Variants in NGDN observed in about 807,000 individuals in gnomAD.
The protein encoded by NGDN is neuroguidin, also known as EIF4E-binding protein.
Under a neutral mutation model 45.2 loss-of-function variants are expected in NGDN, and 41 were observed. That is an observed-to-expected ratio of 0.91 (90% CI 0.71 to 1.18). The LOEUF is 1.18. Among genes scored for constraint, NGDN ranks in the 50% most tolerant of loss-of-function variants. The pLI is 0.00. For missense variants in NGDN, 402 were observed against 399.9 expected, an observed-to-expected ratio of 1.01 and a Z score of -0.05; for synonymous variants, 137 against 130.9, an observed-to-expected ratio of 1.05 and a Z score of -0.32.
Position 23,478,003 on chromosome 14 carries a change from T to G in NGDN, c.929-4T>G, listed in dbSNP as rs1893943925. On this transcript the variant is annotated splice_polypyrimidine_tract_variant and splice_region_variant and intron_variant, in intron 10 of 10. Coordinates refer to ENST00000408901, the MANE Select transcript of NGDN (RefSeq NM_001042635.2). ...GCCTCATTCTTGGTTTCCCTTCCTTTCAGGTTTTCGGAGGCGGCGGTGATT... is the reference window on the plus strand; with the variant it reads ...GCCTCATTCTTGGTTTCCCTTCCTTGCAGGTTTTCGGAGGCGGCGGTGATT... The G allele has an allele frequency of 6.2e-6, 10 of 1,614,082 alleles. No homozygotes were observed. The highest frequency in any genetic ancestry group is 8.5e-6 in the Non-Finnish European group (10 of 1,180,042).
intron 3 of NGDN, among the ~76,000 whole-genome samples, chr14:23,472,670 T>C (rs1271406401): frequency 6.6e-6 from 1 of 152,150 alleles, no homozygotes; most frequent in Non-Finnish European, 1.5e-5. Context: ...TGAGCTTTTG[T>C]CCTAAGATAT....
chr14:23,472,147 C>CGCACTGCA (rs1893792946), intron 3 of NGDN, among the ~76,000 whole-genome samples: 1 of 144,252 alleles, frequency 6.9e-6, no homozygotes, highest in Non-Finnish European at 1.5e-5. Flanking sequence ...GTCGCACCAT[C>CGCACTGCA]GCACTGCAGC....
rs1208604881 is a variant in NGDN at position 23,469,744 on chromosome 14, T to C, written c.12+17T>C. 3.1e-6 allele frequency: 5 copies of C among 1,614,144 alleles called. No individual in the cohort carries two copies. Among genetic ancestry groups the C allele is most frequent in the Non-Finnish European group, 4.2e-6 (5 of 1,180,014 alleles). ...GCGGCGCTGGTGAGTTTGGTGTGGTTTCTTCCTCGCGTAGCTATTGTGGAG... is the reference window on the plus strand; with the variant it reads ...GCGGCGCTGGTGAGTTTGGTGTGGTCTCTTCCTCGCGTAGCTATTGTGGAG... On this transcript the variant is annotated intron_variant, in intron 1 of 10. Coordinates refer to ENST00000408901, the MANE Select transcript of NGDN (RefSeq NM_001042635.2).
rs778568102 is a variant in NGDN at position 23,470,966 on chromosome 14, C to T, written c.133C>T (p.Pro45Ser). The T allele has an allele frequency of 3.2e-6, 5 of 1,545,086 alleles. No homozygotes were observed. The Admixed American group carries it at 6.7e-5, about 21-fold the overall frequency. Reference protein sequence around the residue: ...LTQKVQAGAYPTEKGLSFLEV... With the variant: ...LTQKVQAGAYSTEKGLSFLEV... ...ACAAAAAGTTCAAGCTGGTGCCTAT[C>T]CTACAGAAAAGGTAAGATGTACTCA... Residue 45 changes from proline to serine, a missense_variant, in exon 3 of 11, where the codon CCT becomes TCT. Pro to Ser is a moderately conservative substitution (Grantham distance 74). Transcript: ENST00000408901.
At position 23,469,906 on chromosome 14, in the gene NGDN, T is replaced by C. The variant is rs891063686; in HGVS notation, c.13-136T>C. The C allele has an allele frequency of 8.1e-6, 10 of 1,235,970 alleles. No individual in the cohort carries two copies. The African/African-American group carries it at 1.4e-4, about 17-fold the overall frequency. The allele number at this position is 1,235,970 out of a possible 1,614,324, so 76.6% of individuals were successfully genotyped here. A position where few individuals can be genotyped will look rare whatever the true frequency, so the allele number is the denominator to read the frequency against. On this transcript the variant is annotated intron_variant, in intron 1 of 10. Coordinates refer to ENST00000408901, the MANE Select transcript of NGDN (RefSeq NM_001042635.2). The stretch of plus-strand genomic sequence containing the variant: ...CCCAAGGGGCTGGCTTTAAGGCGAG[T>C]CTGTGAACCCGAGTGTGAAGGCCCC...
chr14:23,473,228 A>T (rs2138722388), intron 3 of NGDN, among the ~76,000 whole-genome samples: 1 of 151,936 alleles, frequency 6.6e-6, no homozygotes, highest in East Asian at 1.9e-4. Context: ...CGAACTCCTG[A>T]CCTCAGGTGA....
At position 23,476,312 on chromosome 14, in the gene NGDN, T is replaced by G; in HGVS notation, c.618T>G (p.Ile206Met). The change falls in exon 8 of 11, where the codon ATT (isoleucine) becomes ATG (methionine). Residue 206 changes from isoleucine (I) to methionine (M), a missense_variant. Transcript: ENST00000408901. ...GACGGGCATTGAGCAGCTCTGTCAT[T>G]CGTGAACTTAAGGAGCAGTACTCAG... ...AKRRALSSSVIRELKEQYSDA... is the reference protein window; with the variant it reads ...AKRRALSSSVMRELKEQYSDA... 1 of 1,614,100 alleles carries G rather than the reference T, an allele frequency of 6.2e-7. No homozygotes were observed. Among genetic ancestry groups the G allele is most frequent in the Non-Finnish European group, 8.5e-7 (1 of 1,180,026 alleles).
In NGDN at chr14:23,475,730, GAATGAC is replaced by G; in HGVS notation, c.373_378del (p.Asn125_Asp126del). The G allele has an allele frequency of 2.5e-6, 4 of 1,613,870 alleles. No individual in the cohort carries two copies. Among genetic ancestry groups the G allele is most frequent in the Non-Finnish European group, 3.4e-6 (4 of 1,179,994 alleles). The stretch of plus-strand genomic sequence containing the variant: ...TCATTGGGTTATTTATTTCAGGTGA[GAATGAC>G]CCACTTCGTTTTAAGCCTCATCCCA... On this transcript the variant is annotated inframe_deletion, in exon 6 of 11. Coordinates refer to ENST00000408901, the MANE Select transcript of NGDN (RefSeq NM_001042635.2).
At chr14:23,476,495 A>C in intron 8 of NGDN, 88 bp downstream of exon 8, 1 of 1,134,028 alleles carries the variant, frequency 8.8e-7, no homozygotes, top group Non-Finnish European at 1.2e-6. Flanking sequence ...TGGTACCAAG[A>C]GAATTAATGT....
chr14:23,476,012 C>T lies in NGDN; in HGVS notation c.421-17C>T. ...CATGAATGCTTCCTAAATTTGCAGA[C>T]ATTGTTTCTTTTGTAGTTGAGCTCT... is the stretch of plus-strand genomic sequence containing the variant. On this transcript the variant is annotated splice_polypyrimidine_tract_variant and intron_variant, in intron 6 of 10. Transcript: ENST00000408901. The T allele has an allele frequency of 1.2e-6, 2 of 1,613,986 alleles. No individual in the cohort carries two copies. The highest frequency in any genetic ancestry group is 1.7e-6 in the Non-Finnish European group (2 of 1,179,980).
chr14:23,474,999 C>G (rs1347862913), intron 3 of NGDN, among the ~76,000 whole-genome samples, 172 bp from the exon 4 acceptor site: 1 of 152,190 alleles, frequency 6.6e-6, no homozygotes, highest in African/African-American at 2.4e-5. Flanking sequence ...ATTAGCATAA[C>G]TTTCTCATTG....
In NGDN at chr14:23,476,153, G is replaced by A; in HGVS notation, c.544+1G>A. ...CCACGCTTGGTTCCAGTACATTATGGTATAAACTTTGGCTGCTGCCTCCTC... is the reference window on the plus strand; with the variant it reads ...CCACGCTTGGTTCCAGTACATTATGATATAAACTTTGGCTGCTGCCTCCTC... On this transcript the variant is annotated splice_donor_variant, in intron 7 of 10. Transcript: ENST00000408901. LOFTEE classifies it high-confidence loss of function. 1 of 1,614,146 alleles carries A rather than the reference G, an allele frequency of 6.2e-7. No homozygotes were observed. Among genetic ancestry groups the A allele is most frequent in the Non-Finnish European group, 8.5e-7 (1 of 1,180,012 alleles).
At position 23,475,588 on chromosome 14, in the gene NGDN, A is replaced by C. The variant is rs752831091; in HGVS notation, c.313A>C (p.Lys105Gln). Residue 105 changes from lysine (K) to glutamine (Q), a missense_variant, in exon 5 of 11, where the codon AAG (lysine) becomes CAG (glutamine). Physicochemically the swap from Lys to Gln is moderately conservative, Grantham distance 53. Coordinates refer to ENST00000408901, the MANE Select transcript of NGDN (RefSeq NM_001042635.2). ...VLEKLRPLDQ[K>Q]LKYQIDKLIK... ...GGAAAAGCTTCGTCCCTTGGACCAA[A>C]AGCTGAAGTATCAAATTGACAAGCT... The C allele has an allele frequency of 6.2e-7, 1 of 1,614,210 alleles. No homozygotes were observed. Among genetic ancestry groups the C allele is most frequent in the East Asian group, 2.2e-5 (1 of 44,882 alleles).
intron 1 of NGDN, 52 bp from the exon 2 acceptor site, chr14:23,469,990 A>G (rs1893734379): frequency 2.5e-6 from 4 of 1,585,254 alleles, no homozygotes; most frequent in Non-Finnish European, 2.6e-6. Context: ...CCACTTTCCT[A>G]TAATCCTGAG....
Position 23,475,272 on chromosome 14 carries a change from A to T in NGDN, c.246A>T (p.Gly82=). The change falls in exon 4 of 11, where the codon GGA becomes GGT. Residue 82 remains glycine, a synonymous_variant. Coordinates refer to ENST00000408901, the MANE Select transcript of NGDN (RefSeq NM_001042635.2). ...AAGCCTCAGGAGGATCTCTTCAGGG[A>T]CATGATGCAGTTTTGAGACTGGTGG... ...LDKASGGSLQ[G]HDAVLRLVEI... is the part of the protein sequence containing the mutation. The T allele has an allele frequency of 1.9e-6, 3 of 1,613,960 alleles. No individual in the cohort carries two copies. Among genetic ancestry groups the T allele is most frequent in the South Asian group, 1.1e-5 (1 of 91,050 alleles).
intron 3 of NGDN, among the ~76,000 whole-genome samples, chr14:23,472,051 G>A (rs1470938640): frequency 6.6e-6 from 1 of 151,692 alleles, no homozygotes; most frequent in Non-Finnish European, 1.5e-5. Flanking sequence ...TGGGCGCAGT[G>A]GTGTGTGCCT....
intron 2 of NGDN, among the ~76,000 whole-genome samples, chr14:23,470,684 A>G (rs1259664916): frequency 6.6e-6 from 1 of 151,986 alleles, no homozygotes; most frequent in Admixed American, 6.6e-5. Flanking sequence ...CCTGTGGTTC[A>G]GTAAAAGATG....
At chr14:23,470,236 T>A in intron 2 of NGDN, 135 bp downstream of exon 2, 2 of 687,568 alleles carry the variant, frequency 2.9e-6, no homozygotes, top group Non-Finnish European at 5.0e-6. Context: ...ATCAAAACCT[T>A]TTCACGCCAG....
intron 1 of NGDN, 66 bp downstream of exon 1, chr14:23,469,793 G>C: frequency 6.3e-7 from 1 of 1,589,062 alleles, no homozygotes. Flanking sequence ...TCAGCGGCTG[G>C]AGGCAAACTG....
Sources: gnomAD v4.1 joint callset for allele counts (sites outside exome capture counted in the v4.1 genomes callset) on GRCh38, gnomAD v4.1.1 for gene constraint, MANE v1.5 for transcripts, NCBI Gene and HGNC (gene_info 2026-07-23, HGNC 2026-07-21) for gene names.